DNAH3: variants seen among roughly 807,000 people sequenced by gnomAD.
The protein encoded by DNAH3 is dynein axonemal heavy chain 3.
In DNAH3, 332 loss-of-function variants were observed where a neutral mutation model predicts 432.5. The observed-to-expected ratio is 0.77, with a 90% CI of 0.70 to 0.84. The LOEUF is 0.84. DNAH3 is among the 40% of genes least tolerant of loss of function. DNAH3 has a pLI of 0.00. For missense variants in DNAH3, 4,861 were observed against 5,114.0 expected (o/e 0.95, Z 1.51); for synonymous variants, 1,956 against 1,900.2 (o/e 1.03, Z -0.76).
intron 16 of DNAH3, among the ~76,000 whole-genome samples, chr16:21,099,276 AGATG>A (rs945437351): frequency 1.6e-5 from 2 of 124,928 alleles, no homozygotes; most frequent in African/African-American, 5.9e-5. Context: ...ATGGATGGAC[AGATG>A]GATGGATGGA....
Position 21,069,525 on chromosome 16 carries a change from G to T in DNAH3, c.3271C>A (p.Leu1091Met), listed in dbSNP as rs372938421. 1.9e-5 allele frequency: 30 copies of T among 1,613,724 alleles called. No homozygotes were observed. The highest frequency in any genetic ancestry group is 2.5e-5 in the Non-Finnish European group (29 of 1,179,946). The stretch of plus-strand genomic sequence containing the variant: ...GAACTGAAGATTGGTTCCAGGTACA[G>T]CCAGGTGGCTTGGCATTTCAACCAG... Residue 1091 changes from leucine to methionine, a missense_variant, in exon 23 of 62, where the codon CTG becomes ATG. By Grantham distance (15) the Leu-to-Met change is conservative. Coordinates refer to ENST00000261383, the Ensembl canonical transcript of DNAH3.
chr16:21,098,577 C>A, intron 17 of DNAH3, 39 bp downstream of exon 17: 1 of 1,584,444 alleles, frequency 6.3e-7, no homozygotes, highest in Non-Finnish European at 8.6e-7. Flanking sequence ...ACCAATAGAC[C>A]AGTACAGTGT....
chr16:21,067,034 G>A (rs74838172), intron 24 of DNAH3, among the ~76,000 whole-genome samples: 3,258 of 152,202 alleles, frequency 0.021, 124 homozygotes, highest in African/African-American at 0.073. Flanking sequence ...CTCTACCCCC[G>A]TAATTAGGAA....
intron 42 of DNAH3, 141 bp downstream of exon 42, chr16:21,002,963 G>T: frequency 1.5e-6 from 1 of 646,514 alleles, no homozygotes; most frequent in South Asian, 1.8e-5. Context: ...TGTTTTTGAA[G>T]GTCCACTGCA....
chr16:21,120,715 T>C, intron 11 of DNAH3: 8 of 1,547,360 alleles, frequency 5.2e-6, no homozygotes, highest in Non-Finnish European at 7.1e-6. Flanking sequence ...TTGTAATTCA[T>C]CAAATGTAGT....
chr16:20,999,503 G>A (rs1221719140), intron 43 of DNAH3, among the ~76,000 whole-genome samples: 1 of 152,176 alleles, frequency 6.6e-6, no homozygotes, highest in Non-Finnish European at 1.5e-5. Context: ...ATCCAGAAGT[G>A]TGGGGCATTA....
Position 21,148,442 on chromosome 16 carries a change from A to ATT in DNAH3, c.118-2356_118-2355dup, listed in dbSNP as rs66495991. Among the ~76,000 whole-genome samples, 157 of 144,730 alleles carry ATT rather than the reference A, an allele frequency of 1.1e-3. 2 individuals carry two copies. The highest frequency in any genetic ancestry group is 3.7e-3 in the South Asian group (17 of 4,612). 94.9% of individuals were successfully genotyped at this position (144,730 alleles called of 152,430 possible). A position where few individuals can be genotyped will look rare whatever the true frequency, so the allele number is the denominator to read the frequency against. On this transcript the variant is annotated intron_variant, in intron 1 of 61. Coordinates refer to ENST00000261383, the Ensembl canonical transcript of DNAH3. ...TTATTTATTATTATTATTATTATTT[A>ATT]TTTTTTTTTTTTGAGTCCAAGTTTT... is the stretch of plus-strand genomic sequence containing the variant.
intron 52 of DNAH3, among the ~76,000 whole-genome samples, chr16:20,967,492 C>CTTTTT (rs756357963): frequency 7.6e-5 from 4 of 52,788 alleles, no homozygotes; most frequent in Admixed American, 2.6e-4. Flanking sequence ...CAGACTTCTG[C>CTTTTT]TTTTTTTTTT....
At chr16:21,123,670 C>T (rs975145843) in intron 9 of DNAH3, among the ~76,000 whole-genome samples, 7 of 152,114 alleles carry the variant, frequency 4.6e-5, no homozygotes, top group African/African-American at 1.7e-4. Flanking sequence ...ATTTTTGTTA[C>T]TTTGTTAAGG....
At chr16:20,998,690 C>T (rs1225131227) in intron 43 of DNAH3, among the ~76,000 whole-genome samples, 14 of 139,286 alleles carry the variant, frequency 1.0e-4, no homozygotes, top group African/African-American at 3.5e-4. Flanking sequence ...GGGGGCTCTT[C>T]GAGATCGCAC....
At chr16:21,049,658 C>T (rs751176192) in exon 31 of DNAH3, 4 of 1,614,204 alleles carry the variant, frequency 2.5e-6, no homozygotes, top group East Asian at 4.5e-5. Context: ...TAATCCAAAC[C>T]ATCGGAGCAG....
chr16:21,066,212 A>G (rs1002147998), intron 24 of DNAH3, among the ~76,000 whole-genome samples: 3 of 151,384 alleles, frequency 2.0e-5, no homozygotes, highest in African/African-American at 7.3e-5. Flanking sequence ...GTCTCCATAT[A>G]AAGAAACGCT....
chr16:20,969,855 T>C, exon 52 of DNAH3: 3 of 1,614,176 alleles, frequency 1.9e-6, no homozygotes, highest in Non-Finnish European at 2.5e-6. Context: ...ATGCTCTCCA[T>C]GACCAGTTTG....
chr16:21,120,391 T>A (rs1185100829), intron 11 of DNAH3, among the ~76,000 whole-genome samples: 1 of 152,218 alleles, frequency 6.6e-6, no homozygotes, highest in African/African-American at 2.4e-5. Flanking sequence ...TGAGCCACCA[T>A]GATTGACCTT....
rs201985265 is a variant in DNAH3 at position 21,058,216 on chromosome 16, A to G, written c.3814-20T>C. 36 of 1,432,338 alleles carry G rather than the reference A, an allele frequency of 2.5e-5. No individual in the cohort carries two copies. In the East Asian group the frequency reaches 7.7e-4, roughly 31 times the overall value. The allele number at this position is 1,432,338 out of a possible 1,614,324, so 88.7% of individuals were successfully genotyped here. On this transcript the variant is annotated intron_variant, in intron 26 of 61. Transcript: ENST00000261383. ...AGGGACCTGGAAAAGCACAGTGGGC[A>G]TGTTATAGGATCAGTTCACGTGTGG...
intron 51 of DNAH3, among the ~76,000 whole-genome samples, chr16:20,972,634 G>A (rs2085393861): frequency 6.6e-6 from 1 of 151,828 alleles, no homozygotes. Flanking sequence ...ATGTGACTCT[G>A]ACAGGGATCA....
At chr16:21,102,925 G>A (rs2091869897) in intron 16 of DNAH3, among the ~76,000 whole-genome samples, 1 of 149,900 alleles carries the variant, frequency 6.7e-6, no homozygotes, top group African/African-American at 2.5e-5. Flanking sequence ...CACCAGGCTG[G>A]TTTCAGCATG....
chr16:21,087,813 A>G (rs899489446), intron 18 of DNAH3, among the ~76,000 whole-genome samples: 6 of 152,078 alleles, frequency 3.9e-5, no homozygotes, highest in African/African-American at 1.4e-4. Context: ...TGGGAGGATC[A>G]CTTGAGCCTA....
chr16:21,125,387 G>A lies in DNAH3; in HGVS notation c.1209-17C>T, dbSNP rs764168922. The A allele has an allele frequency of 1.9e-6, 3 of 1,558,610 alleles. No individual in the cohort carries two copies. The highest frequency in any genetic ancestry group is 2.6e-6 in the Non-Finnish European group (3 of 1,149,714). ...GGGATCCACCTGTAAAGACAGAAGG[G>A]TGTCCATGTGAGAAGCTCTTCTGGG... On this transcript the variant is annotated splice_polypyrimidine_tract_variant and intron_variant, in intron 8 of 61. Coordinates refer to ENST00000261383, the Ensembl canonical transcript of DNAH3.
Sources: allele counts gnomAD v4.1 joint callset (sites outside exome capture counted in the v4.1 genomes callset), GRCh38; gene constraint gnomAD v4.1.1; transcripts MANE v1.5; gene names NCBI Gene and HGNC (gene_info 2026-07-23, HGNC 2026-07-21).